SLITRK6: variants seen among roughly 807,000 people sequenced by gnomAD.
SLITRK6 encodes the protein SLIT and NTRK-like protein 6.
A neutral mutation model predicts 55.6 loss-of-function variants in SLITRK6; 35 were observed. The observed-to-expected ratio is 0.63, with a 90% CI of 0.48 to 0.83. The LOEUF (loss-of-function observed/expected upper bound fraction) is 0.83, where lower values mean the gene tolerates loss of function less well. Ranked by LOEUF, SLITRK6 falls within the 40% of genes least tolerant of loss-of-function variation. The probability of loss-of-function intolerance (pLI) is 0.00; values close to 1 mark genes in which losing one functional copy is unlikely to be tolerated. For missense variants in SLITRK6, 977 were observed against 986.4 expected (o/e 0.99, Z 0.13); for synonymous variants, 392 against 359.6 (o/e 1.09, Z -1.02).
intron 1 of SLITRK6, among the ~76,000 whole-genome samples, chr13:85,798,204 A>G (rs1378821904): frequency 1.3e-5 from 2 of 152,124 alleles, no homozygotes; most frequent in South Asian, 2.1e-4. Context: ...GAGTTTATAA[A>G]CAAGCAGCTT....
At position 85,795,941 on chromosome 13, in the gene SLITRK6, G is replaced by A; in HGVS notation, c.568C>T (p.Leu190Phe). ...FRFVPLTHLD[L>F]RGNQLQTLPY... The stretch of plus-strand genomic sequence containing the variant: ...AATGTTTGTAATTGATTTCCACGAA[G>A]ATCTAGATGGGTTAAAGGAACAAAT... The change falls in exon 2 of 2, where the codon CTT becomes TTT. Residue 190 changes from leucine to phenylalanine, a missense_variant. Transcript: ENST00000647374. 6.2e-7 allele frequency: 1 copy of A among 1,613,018 alleles called. No individual in the cohort carries two copies. Among genetic ancestry groups the A allele is most frequent in the Non-Finnish European group, 8.5e-7 (1 of 1,179,382 alleles).
intron 1 of SLITRK6, among the ~76,000 whole-genome samples, chr13:85,797,797 A>T (rs1021209533): frequency 1.3e-5 from 2 of 151,952 alleles, no homozygotes; most frequent in African/African-American, 4.8e-5. Context: ...GTAAACATTT[A>T]TAGCTCTAAT....
In SLITRK6 at chr13:85,795,010, C is replaced by G. The variant is rs1165757550; in HGVS notation, c.1499G>C (p.Ser500Thr). Residue 500 changes from serine to threonine, a missense_variant, in exon 2 of 2, where the codon AGT becomes ACT. Physicochemically the swap from Ser to Thr is moderately conservative, Grantham distance 58 (BLOSUM62 1). Coordinates refer to ENST00000647374, the MANE Select transcript of SLITRK6 (RefSeq NM_032229.3). ...CAAATCAAGATCATCCAAAATATTA[C>G]TTACAGGTAGATGGGTAAACTGGTT... ...KTNQFTHLPV[S>T]NILDDLDLLT... 1 of 1,612,878 alleles carries G rather than the reference C, an allele frequency of 6.2e-7. No homozygotes were observed. The highest frequency in any genetic ancestry group is 1.7e-5 in the Admixed American group (1 of 59,788).
rs1874586108 is a variant in SLITRK6, at chr13:85,792,813, TG to T, written c.*1169del. 6.6e-6 allele frequency: 1 copy of T among 152,104 alleles called. No homozygotes were observed. Among genetic ancestry groups the T allele is most frequent in the African/African-American group, 2.4e-5 (1 of 41,380 alleles). 9.4% of individuals were successfully genotyped at this position (152,104 alleles called of 1,614,324 possible). On this transcript the variant is annotated 3_prime_UTR_variant, in exon 2 of 2. Transcript: ENST00000647374. Reference sequence around the variant, plus strand: ...AGTTTTCATTTTAGTTTTATTGTAGTGAGTAGTATTTTTAATTTTCTTGAAA... The same window carrying T: ...AGTTTTCATTTTAGTTTTATTGTAGTAGTAGTATTTTTAATTTTCTTGAAA...
At position 85,794,087 on chromosome 13, in the gene SLITRK6, G is replaced by A. The variant is rs369927469; in HGVS notation, c.2422C>T (p.Pro808Ser). 1 of 1,612,790 alleles carries A rather than the reference G, an allele frequency of 6.2e-7. No homozygotes were observed. Among genetic ancestry groups the A allele is most frequent in the Non-Finnish European group, 8.5e-7 (1 of 1,179,328 alleles). The change falls in exon 2 of 2, where the codon CCA becomes TCA. Residue 808 changes from proline (P) to serine (S), a missense_variant. By Grantham distance (74) the Pro-to-Ser change is moderately conservative. Coordinates refer to ENST00000647374, the MANE Select transcript of SLITRK6 (RefSeq NM_032229.3). ...GTCTGTTCCACTAATACCTTCCTTG[G>A]ACGTGAGTACATTAATGTTTCCATT... is the stretch of plus-strand genomic sequence containing the variant. ...KLMETLMYSR[P>S]RKVLVEQTKN...
At position 85,795,633 on chromosome 13, in the gene SLITRK6, A is replaced by G; in HGVS notation, c.876T>C (p.Asn292=). The change falls in exon 2 of 2, where the codon AAT becomes AAC. Residue 292 remains asparagine (N), a synonymous_variant. Transcript: ENST00000647374. ...TGGTCTTAGTTGACATGCGACTATC[A>G]TTTATTGAAGATGTTGCTGCCAGAT... ...SLHLAATSSI[N]DSRMSTKTTS... is the part of the protein sequence containing the mutation. The G allele has an allele frequency of 6.2e-7, 1 of 1,613,078 alleles. No individual in the cohort carries two copies. Among genetic ancestry groups the G allele is most frequent in the Non-Finnish European group, 8.5e-7 (1 of 1,179,410 alleles).
At chr13:85,797,721 A>G (rs1476477772) in intron 1 of SLITRK6, among the ~76,000 whole-genome samples, 2 of 152,026 alleles carry the variant, frequency 1.3e-5, no homozygotes, top group East Asian at 3.9e-4. Flanking sequence ...CCTGAAACAC[A>G]TAACAAATGC....
rs1359554472 is a variant in SLITRK6, at chr13:85,794,866, G to A, written c.1643C>T (p.Ser548Phe). 2 of 1,613,114 alleles carry A rather than the reference G, an allele frequency of 1.2e-6. No homozygotes were observed. Among genetic ancestry groups the A allele is most frequent in the Admixed American group, 3.3e-5 (2 of 59,792 alleles). ...TTCCTTTTTGTCGAGATGCCCGGGGGAAGTGCAGAGGATGTCATCTGTCAC... is the reference window on the plus strand; with the variant it reads ...TTCCTTTTTGTCGAGATGCCCGGGGAAAGTGCAGAGGATGTCATCTGTCAC... ...NTVTDDILCT[S>F]PGHLDKKELK... The change falls in exon 2 of 2, where the codon TCC becomes TTC. Residue 548 changes from serine to phenylalanine, a missense_variant. Transcript: ENST00000647374.
At position 85,794,764 on chromosome 13, in the gene SLITRK6, A is replaced by G; in HGVS notation, c.1745T>C (p.Leu582Pro). Residue 582 changes from leucine (L) to proline (P), a missense_variant, in exon 2 of 2, where the codon CTT becomes CCT. By Grantham distance (98) the Leu-to-Pro change is moderately conservative. Transcript: ENST00000647374. ...TGTTGTTGCAGGAGTGGTGACCATA[A>G]GGTAACTAGTCTGTGTTGGCATGGA... Reference protein sequence around the residue: ...NPSMPTQTSYLMVTTPATTTN... With the variant: ...NPSMPTQTSYPMVTTPATTTN... 1 of 1,613,244 alleles carries G rather than the reference A, an allele frequency of 6.2e-7. No individual in the cohort carries two copies. Among genetic ancestry groups the G allele is most frequent in the Non-Finnish European group, 8.5e-7 (1 of 1,179,528 alleles).
Sources: allele counts gnomAD v4.1 joint callset (sites outside exome capture counted in the v4.1 genomes callset), GRCh38; gene constraint gnomAD v4.1.1; transcripts MANE v1.5; gene names NCBI Gene and HGNC (gene_info 2026-07-23, HGNC 2026-07-21).